Variants in DNASE1 observed in about 807,000 individuals in gnomAD.
The protein encoded by DNASE1 is deoxyribonuclease 1.
Under a neutral mutation model 33.9 loss-of-function variants are expected in DNASE1, and 40 were observed. That is an observed-to-expected ratio of 1.18 (90% CI 0.92 to 1.54). DNASE1 has a LOEUF of 1.54. DNASE1 is among the 40% of genes most tolerant of loss of function. The probability of loss-of-function intolerance (pLI) is 0.00; values close to 1 mark genes in which losing one functional copy is unlikely to be tolerated. For synonymous variants in DNASE1, 216 were observed against 160.0 expected (o/e 1.35, Z -2.64); for missense variants, 518 against 372.6 (o/e 1.39, Z -3.21).
chr16:3,660,060 C>T (rs1240112605), downstream of DNASE1: 2 of 152,218 alleles, frequency 1.3e-5, no homozygotes, highest in Admixed American at 1.3e-4. Context: ...CACATCCTCA[C>T]ATTTCTAGTC....
At chr16:3,648,814 A>G (rs552965213) in intron 1 of DNASE1, among the ~76,000 whole-genome samples, 1 of 152,252 alleles carries the variant, frequency 6.6e-6, no homozygotes, top group East Asian at 1.9e-4. Context: ...AAAAGATTGG[A>G]TGTTTTATAG....
At chr16:3,624,184 G>A (rs534457040) in intron 1 of DNASE1, among the ~76,000 whole-genome samples, 16 of 151,368 alleles carry the variant, frequency 1.1e-4, no homozygotes, top group African/African-American at 3.9e-4. Flanking sequence ...CAGGAGAATC[G>A]CTTGAACCCG....
chr16:3,618,195 G>C (rs549549008), intron 1 of DNASE1, among the ~76,000 whole-genome samples: 1 of 150,684 alleles, frequency 6.6e-6, no homozygotes, highest in African/African-American at 2.5e-5. Flanking sequence ...TTAGAGAAGT[G>C]CAAATTGAAA....
At position 3,621,231 on chromosome 16, in the gene DNASE1, G is replaced by T. The variant is rs550586810; in HGVS notation, c.-1359+9225G>T. On this transcript the variant is annotated intron_variant and NMD_transcript_variant, in intron 1 of 11. Coordinates refer to the DNASE1 transcript ENST00000570769. ...ATCCCGAGTAGCCAAGAGTACAAGCGTGTGCCACCACACCCAACTGACTTT... is the reference window on the plus strand; with the variant it reads ...ATCCCGAGTAGCCAAGAGTACAAGCTTGTGCCACCACACCCAACTGACTTT... Among the ~76,000 whole-genome samples, 14 of 152,154 alleles carry T rather than the reference G, an allele frequency of 9.2e-5. No individual in the cohort carries two copies. The East Asian group carries it at 2.5e-3, about 27-fold the overall frequency.
intron 1 of DNASE1, among the ~76,000 whole-genome samples, chr16:3,612,751 G>A (rs2040946803): frequency 6.6e-6 from 1 of 152,126 alleles, no homozygotes; most frequent in Non-Finnish European, 1.5e-5. Context: ...GAGAACAGAT[G>A]AGGCAAGGAC....
chr16:3,658,188 G>GGTCGTCAACAAGTCCA (rs1696985358), downstream of DNASE1: 3 of 1,613,984 alleles, frequency 1.9e-6, no homozygotes, highest in East Asian at 6.7e-5. Flanking sequence ...ATGGCCCTAG[G>GGTCGTCAACAAGTCCA]GTCGTCAACA....
chr16:3,662,119 A>G (rs1234370208), downstream of DNASE1: 16 of 1,612,370 alleles, frequency 9.9e-6, no homozygotes, highest in African/African-American at 1.3e-5. Context: ...GTGGGTGTCC[A>G]GTCGGAGGGT....
chr16:3,656,666 T>G lies in DNASE1; in HGVS notation c.349T>G (p.Tyr117Asp). ...TGACCAGGTGTCTGCGGTGGACAGC[T>G]ACTACTACGATGATGGCTGCGAGCC... is the stretch of plus-strand genomic sequence containing the variant. Reference protein sequence around the residue: ...RPDQVSAVDSYYYDDGCEPCG... With the variant: ...RPDQVSAVDSDYYDDGCEPCG... The change falls in exon 5 of 9, where the codon TAC becomes GAC. Residue 117 changes from tyrosine (Y) to aspartate (D), a missense_variant. Physicochemically the swap from Tyr to Asp is radical, Grantham distance 160 (BLOSUM62 -3). Coordinates refer to ENST00000246949, the MANE Select transcript of DNASE1 (RefSeq NM_005223.4). 6.2e-7 allele frequency: 1 copy of G among 1,613,060 alleles called. No homozygotes were observed. The highest frequency in any genetic ancestry group is 8.5e-7 in the Non-Finnish European group (1 of 1,179,626).
At chr16:3,623,798 C>G (rs531705147) in intron 1 of DNASE1, among the ~76,000 whole-genome samples, 4 of 152,106 alleles carry the variant, frequency 2.6e-5, no homozygotes, top group African/African-American at 9.6e-5. Flanking sequence ...GGCAAAGAAA[C>G]ATGAAAAAGT....
Position 3,656,729 on chromosome 16 carries a change from G to C in DNASE1, c.412G>C (p.Val138Leu), listed in dbSNP as rs1190977136. 6.2e-7 allele frequency: 1 copy of C among 1,611,592 alleles called. No homozygotes were observed. The highest frequency in any genetic ancestry group is 8.5e-7 in the Non-Finnish European group (1 of 1,178,900). Residue 138 changes from valine to leucine, a missense_variant, in exon 5 of 9, where the codon GTC becomes CTC. Val to Leu is a conservative substitution (Grantham distance 32). Coordinates refer to ENST00000246949, the MANE Select transcript of DNASE1 (RefSeq NM_005223.4). ...NDTFNREPAI[V>L]RFFSRFTEVR... ...CACCTTCAACCGAGAGCCAGCCATT[G>C]TCAGGTTCTTCTCCCGGTTCACAGG... is the stretch of plus-strand genomic sequence containing the variant.
At chr16:3,614,939 T>C (rs1422715998) in intron 1 of DNASE1, among the ~76,000 whole-genome samples, 2 of 152,216 alleles carry the variant, frequency 1.3e-5, no homozygotes, top group Non-Finnish European at 2.9e-5. Context: ...AGAAAGTCTT[T>C]GCTACCTCTC....
At chr16:3,653,461 A>T (rs2042406875), upstream of DNASE1, 2 of 152,098 alleles carry the variant, frequency 1.3e-5, no homozygotes, top group Non-Finnish European at 2.9e-5. Flanking sequence ...TAATCCCAGC[A>T]TTTGCGGGAA....
At chr16:3,631,522 GT>G (rs2041700268) in intron 1 of DNASE1, among the ~76,000 whole-genome samples, 1 of 140,430 alleles carries the variant, frequency 7.1e-6, no homozygotes, top group Non-Finnish European at 1.5e-5. Context: ...AGGTTTTTTT[GT>G]TTTGTTTTGT....
exon 10 of DNASE1, chr16:3,663,743 T>G: frequency 1.4e-6 from 1 of 701,642 alleles, no homozygotes; most frequent in Non-Finnish European, 2.3e-6. Flanking sequence ...AGGAAGGCTC[T>G]GACTGCCTTC....
upstream of DNASE1, chr16:3,654,404 G>A: frequency 5.0e-6 from 2 of 398,746 alleles, no homozygotes; most frequent in Admixed American, 4.4e-5. Flanking sequence ...GATGAATCAG[G>A]AAGGCAGGCG....
exon 10 of DNASE1, chr16:3,663,681 G>A (rs761514150): frequency 1.5e-6 from 2 of 1,309,128 alleles, no homozygotes; most frequent in African/African-American, 1.5e-5. Context: ...GGAACACCGG[G>A]GCAGTTGGGG....
intron 1 of DNASE1, among the ~76,000 whole-genome samples, chr16:3,616,430 G>C (rs550351095): frequency 6.6e-6 from 1 of 151,940 alleles, no homozygotes; most frequent in East Asian, 1.9e-4. Context: ...AGACCAGCCT[G>C]ACCAACATGG....
rs760141633 is a variant in DNASE1, at chr16:3,657,725, T to C, written c.710T>C (p.Val237Ala). The C allele has an allele frequency of 4.3e-6, 7 of 1,613,868 alleles. No homozygotes were observed. In the Admixed American group the frequency reaches 6.7e-5, roughly 15 times the overall value. Residue 237 changes from valine (V) to alanine (A), a missense_variant, in exon 8 of 9, where the codon GTG (valine) becomes GCG (alanine). Coordinates refer to ENST00000246949, the MANE Select transcript of DNASE1 (RefSeq NM_005223.4). ...CTCTTCCCAACACCCATCAGGATCG[T>C]GGTTGCAGGGATGCTGCTCCGAGGC... ...TPTHCAYDRI[V>A]VAGMLLRGAV...
chr16:3,639,631 A>C (rs1412617130), upstream of DNASE1, among the ~76,000 whole-genome samples: 1 of 151,570 alleles, frequency 6.6e-6, no homozygotes, highest in Non-Finnish European at 1.5e-5. Flanking sequence ...CTCTTAGTCA[A>C]CTCCCTGTAA....
Sources: gnomAD v4.1 joint callset for allele counts (sites outside exome capture counted in the v4.1 genomes callset) on GRCh38, gnomAD v4.1.1 for gene constraint, MANE v1.5 for transcripts, NCBI Gene and HGNC (gene_info 2026-07-23, HGNC 2026-07-21) for gene names.